TTC28: variants seen among roughly 807,000 people sequenced by gnomAD.
The protein encoded by TTC28 is tetratricopeptide repeat protein 28.
In TTC28, 61 loss-of-function variants were observed where a neutral mutation model predicts 198.0. The ratio of observed to expected loss-of-function variants is 0.31; its 90% confidence interval spans 0.25 to 0.38. TTC28 has a LOEUF of 0.38. Among genes scored for constraint, TTC28 ranks in the 10% least tolerant of loss-of-function variants. TTC28 has a pLI of 1.00. For missense variants in TTC28, 2,678 were observed against 3,164.0 expected, an observed-to-expected ratio of 0.85 and a Z score of 3.69; for synonymous variants, 1,171 against 1,297.8, an observed-to-expected ratio of 0.90 and a Z score of 2.10.
intron 5 of TTC28, among the ~76,000 whole-genome samples, chr22:28,186,072 A>T (rs1444506124): frequency 1.3e-5 from 2 of 152,088 alleles, no homozygotes; most frequent in African/African-American, 4.8e-5. Context: ...CTAATTTGCA[A>T]TTTTTTTTAA....
intron 2 of TTC28, among the ~76,000 whole-genome samples, chr22:28,628,195 C>T (rs1384695478): frequency 6.6e-6 from 1 of 152,134 alleles, no homozygotes; most frequent in Non-Finnish European, 1.5e-5. Context: ...CATGCCCAGC[C>T]CTTCAGCATA....
At chr22:28,513,051 C>G (rs1305649117) in intron 2 of TTC28, among the ~76,000 whole-genome samples, 1 of 143,296 alleles carries the variant, frequency 7.0e-6, no homozygotes, top group Non-Finnish European at 1.5e-5. Context: ...GTAAACGTAG[C>G]TCACTGTAAA....
intron 6 of TTC28, among the ~76,000 whole-genome samples, chr22:28,132,670 A>C (rs1402156463): frequency 6.6e-6 from 1 of 152,202 alleles, no homozygotes; most frequent in Non-Finnish European, 1.5e-5. Context: ...TGAGAGCTTT[A>C]TTCAGATCAT....
At chr22:28,392,362 G>C (rs891946405) in intron 2 of TTC28, among the ~76,000 whole-genome samples, 8 of 152,308 alleles carry the variant, frequency 5.3e-5, no homozygotes, top group Non-Finnish European at 1.2e-4. Context: ...AGTTGTGGTG[G>C]GCTCCACCCA....
chr22:28,353,393 C>T (rs1026466158), intron 2 of TTC28, among the ~76,000 whole-genome samples: 2 of 152,070 alleles, frequency 1.3e-5, no homozygotes, highest in Non-Finnish European at 2.9e-5. Flanking sequence ...CCAAAACAAT[C>T]TTGAAAAAAG....
At chr22:28,484,233 C>T (rs2048289130) in intron 2 of TTC28, among the ~76,000 whole-genome samples, 1 of 152,082 alleles carries the variant, frequency 6.6e-6, no homozygotes, top group South Asian at 2.1e-4. Context: ...TCAGCCTCCC[C>T]AGTAGCTGGG....
At chr22:28,492,133 G>C (rs1374728683) in intron 2 of TTC28, among the ~76,000 whole-genome samples, 1 of 151,894 alleles carries the variant, frequency 6.6e-6, no homozygotes, top group African/African-American at 2.4e-5. Flanking sequence ...AGCGGGGAGG[G>C]ATAGCATTAG....
intron 2 of TTC28, among the ~76,000 whole-genome samples, chr22:28,536,074 T>G (rs2145914767): frequency 6.6e-6 from 1 of 151,022 alleles, no homozygotes; most frequent in East Asian, 2.0e-4. Context: ...GGCGGGCCCC[T>G]GTAGTCCCAG....
chr22:28,019,026 C>T (rs1455590146), intron 13 of TTC28, among the ~76,000 whole-genome samples: 2 of 152,200 alleles, frequency 1.3e-5, no homozygotes, highest in Non-Finnish European at 2.9e-5. Context: ...TGGGATACCT[C>T]TGCCTAGAGA....
chr22:28,548,727 T>A (rs1173521518), intron 2 of TTC28, among the ~76,000 whole-genome samples: 1 of 152,192 alleles, frequency 6.6e-6, no homozygotes. Context: ...ACACCACCTA[T>A]CAATCCAGCA....
At chr22:28,322,384 C>T (rs984597253) in intron 2 of TTC28, among the ~76,000 whole-genome samples, 11 of 151,934 alleles carry the variant, frequency 7.2e-5, no homozygotes, top group African/African-American at 2.7e-4. Flanking sequence ...TTCCCTGACA[C>T]GTATTATCTA....
intron 5 of TTC28, among the ~76,000 whole-genome samples, chr22:28,267,839 G>A (rs1003609148): frequency 6.6e-6 from 1 of 152,102 alleles, no homozygotes; most frequent in African/African-American, 2.4e-5. Flanking sequence ...TATTTTTGTA[G>A]TCTCTCTAAA....
intron 2 of TTC28, among the ~76,000 whole-genome samples, chr22:28,373,576 ATG>A (rs1407952323): frequency 2.6e-5 from 4 of 152,238 alleles, no homozygotes; most frequent in Non-Finnish European, 5.9e-5. Context: ...GTACCATTTA[ATG>A]TAGATTTATC....
chr22:28,511,335 G>C (rs1242524868), intron 2 of TTC28, among the ~76,000 whole-genome samples: 1 of 152,056 alleles, frequency 6.6e-6, no homozygotes, highest in East Asian at 1.9e-4. Flanking sequence ...ACAGAATACA[G>C]AACTCAGAAA....
chr22:28,473,274 T>C (rs2048121610), intron 2 of TTC28, among the ~76,000 whole-genome samples: 2 of 152,190 alleles, frequency 1.3e-5, no homozygotes, highest in Non-Finnish European at 2.9e-5. Context: ...AGAATGTAAC[T>C]GTATTTGGAT....
At chr22:28,266,687 T>C (rs2147314022) in intron 5 of TTC28, among the ~76,000 whole-genome samples, 1 of 152,258 alleles carries the variant, frequency 6.6e-6, no homozygotes, top group East Asian at 1.9e-4. Context: ...GCCAAGCCAC[T>C]GACTTCAGCT....
At chr22:28,607,000 C>G (rs900029622) in intron 2 of TTC28, among the ~76,000 whole-genome samples, 1 of 152,074 alleles carries the variant, frequency 6.6e-6, no homozygotes, top group Admixed American at 6.6e-5. Flanking sequence ...ACTCTCTGAC[C>G]TTCCTCTGAA....
chr22:28,619,520 G>A (rs1234657224), intron 2 of TTC28, among the ~76,000 whole-genome samples: 1 of 152,166 alleles, frequency 6.6e-6, no homozygotes, highest in Non-Finnish European at 1.5e-5. Flanking sequence ...AGTTACCACT[G>A]TACATCAATT....
At chr22:28,338,335 G>A (rs528144998) in intron 2 of TTC28, among the ~76,000 whole-genome samples, 6 of 152,120 alleles carry the variant, frequency 3.9e-5, no homozygotes, top group South Asian at 4.2e-4. Flanking sequence ...TGCTCTTCTC[G>A]AGGAGTATCT....
Sources: allele counts gnomAD v4.1 joint callset (sites outside exome capture counted in the v4.1 genomes callset), GRCh38; gene constraint gnomAD v4.1.1; transcripts MANE v1.5; gene names NCBI Gene and HGNC (gene_info 2026-07-23, HGNC 2026-07-21).